Variants in MKNK1 observed in about 807,000 individuals in gnomAD.
MKNK1 encodes MAP kinase-interacting serine/threonine-protein kinase 1.
Under a neutral mutation model 49.3 loss-of-function variants are expected in MKNK1, and 30 were observed. The observed-to-expected ratio is 0.61, with a 90% CI of 0.46 to 0.83. The LOEUF (loss-of-function observed/expected upper bound fraction) is 0.83. MKNK1 is among the 40% of genes least tolerant of loss of function. The pLI is 0.00. For missense variants in MKNK1, 423 were observed against 524.7 expected, an observed-to-expected ratio of 0.81 and a Z score of 1.89; for synonymous variants, 176 against 201.7, an observed-to-expected ratio of 0.87 and a Z score of 1.08.
chr1:46,591,291 G>C (rs545242485), intron 2 of MKNK1, among the ~76,000 whole-genome samples: 8 of 152,310 alleles, frequency 5.3e-5, no homozygotes, highest in South Asian at 2.1e-4. Context: ...GCAGCATGCA[G>C]GTGGCAGCAT....
chr1:46,558,877 C>T, intron 12 of MKNK1, 77 bp from the exon 13 acceptor site: 1 of 1,281,594 alleles, frequency 7.8e-7, no homozygotes, highest in Non-Finnish European at 1.1e-6. Context: ...GACACTCCCA[C>T]TTGCTGCTGT....
intron 4 of MKNK1, among the ~76,000 whole-genome samples, chr1:46,579,045 G>A (rs147670469): frequency 1.3e-5 from 2 of 152,282 alleles, no homozygotes; most frequent in East Asian, 1.9e-4. Flanking sequence ...TGAGCCACAT[G>A]CCTGGCCTAA....
rs1251434824 is a variant in MKNK1 at position 46,558,487 on chromosome 1, C to T, written c.*88G>A. 6.1e-6 allele frequency: 8 copies of T among 1,319,230 alleles called. No individual in the cohort carries two copies. The East Asian group carries it at 2.0e-4, about 32-fold the overall frequency. The allele number at this position is 1,319,230 out of a possible 1,614,324, so 81.7% of individuals were successfully genotyped here. ...GAATGGAGCCACAGAGCAGAGGCTG[C>T]TGCCTGCTCAGCAGACTTTAGCCAC... On this transcript the variant is annotated 3_prime_UTR_variant, in exon 13 of 13. Transcript: ENST00000371945.
At chr1:46,580,715 T>C in intron 3 of MKNK1, 88 bp from the exon 4 acceptor site, 2 of 879,274 alleles carry the variant, frequency 2.3e-6, no homozygotes, top group Non-Finnish European at 3.8e-6. Context: ...TCAGCTTCCC[T>C]GATCAGACGA....
intron 11 of MKNK1, among the ~76,000 whole-genome samples, chr1:46,560,778 G>A (rs1049408824): frequency 6.6e-6 from 1 of 152,168 alleles, no homozygotes; most frequent in African/African-American, 2.4e-5. Context: ...TTATGGGTCT[G>A]GGAATGAGCC....
intron 4 of MKNK1, among the ~76,000 whole-genome samples, chr1:46,580,270 C>T (rs1443078040): frequency 1.3e-5 from 2 of 152,288 alleles, no homozygotes; most frequent in East Asian, 3.9e-4. Flanking sequence ...AAGCACTTTA[C>T]CTATATTAAC....
intron 5 of MKNK1, 185 bp downstream of exon 5, chr1:46,576,390 C>A: frequency 1.7e-6 from 1 of 574,680 alleles, no homozygotes; most frequent in Non-Finnish European, 3.1e-6. Context: ...GAGATAATAG[C>A]TCCTTTGCTG....
chr1:46,563,980 G>GGATGGCATGAA (rs1333726710), intron 9 of MKNK1, among the ~76,000 whole-genome samples: 2 of 75,602 alleles, frequency 2.6e-5, no homozygotes, highest in Non-Finnish European at 2.6e-5. Flanking sequence ...AGGAGGCAGA[G>GGATGGCATGAA]CTTGCAGTGA....
chr1:46,584,691 C>T (rs1448694674), intron 2 of MKNK1: 1 of 152,150 alleles, frequency 6.6e-6, no homozygotes, highest in Admixed American at 6.5e-5. Context: ...TGACAGCCAT[C>T]CGGAGAGAGC....
At chr1:46,601,134 C>T (rs1175689902) in intron 1 of MKNK1, among the ~76,000 whole-genome samples, 1 of 152,180 alleles carries the variant, frequency 6.6e-6, no homozygotes, top group Non-Finnish European at 1.5e-5. Flanking sequence ...TCAGGCTGGT[C>T]TCGAACTTCT....
intron 1 of MKNK1, among the ~76,000 whole-genome samples, chr1:46,600,182 C>T (rs891121426): frequency 5.9e-5 from 9 of 152,228 alleles, no homozygotes; most frequent in African/African-American, 9.6e-5. Context: ...TTCCTTACTA[C>T]ATTTACCATA....
chr1:46,597,955 G>A (rs984369595), intron 1 of MKNK1, among the ~76,000 whole-genome samples: 2 of 152,200 alleles, frequency 1.3e-5, no homozygotes, highest in Non-Finnish European at 2.9e-5. Flanking sequence ...TTAAGAGTGA[G>A]GTTAAAGAGA....
chr1:46,588,021 T>C (rs1423907121), intron 2 of MKNK1, among the ~76,000 whole-genome samples: 1 of 152,206 alleles, frequency 6.6e-6, no homozygotes, highest in Non-Finnish European at 1.5e-5. Context: ...CTAATTCTTA[T>C]CATAATCTCA....
chr1:46,561,414 G>C, intron 11 of MKNK1, 64 bp downstream of exon 11: 1 of 1,511,874 alleles, frequency 6.6e-7, no homozygotes, highest in South Asian at 1.3e-5. Context: ...TGGCATGACA[G>C]CTTCCTTGTG....
chr1:46,577,127 G>A (rs770767822), intron 4 of MKNK1, among the ~76,000 whole-genome samples: 5 of 152,202 alleles, frequency 3.3e-5, no homozygotes, highest in Non-Finnish European at 7.3e-5. Context: ...CGATCCCCCT[G>A]GCAGAAGTAG....
At chr1:46,586,000 T>C (rs1176660528) in intron 2 of MKNK1, 3 of 1,137,550 alleles carry the variant, frequency 2.6e-6, no homozygotes. Flanking sequence ...TGTAGGAAGA[T>C]GGGTGAAGTG....
chr1:46,579,993 C>T (rs1392937024), intron 4 of MKNK1, among the ~76,000 whole-genome samples: 4 of 152,102 alleles, frequency 2.6e-5, no homozygotes, highest in Non-Finnish European at 5.9e-5. Context: ...CATTTTGTGA[C>T]GTGTAAAGTG....
At chr1:46,577,430 G>A (rs1432289826) in intron 4 of MKNK1, among the ~76,000 whole-genome samples, 1 of 152,116 alleles carries the variant, frequency 6.6e-6, no homozygotes, top group Non-Finnish European at 1.5e-5. Flanking sequence ...GCAGTGAGCC[G>A]AGATTGTGCC....
chr1:46,573,544 T>C (rs575398146), intron 6 of MKNK1, among the ~76,000 whole-genome samples: 1 of 152,066 alleles, frequency 6.6e-6, no homozygotes, highest in African/African-American at 2.4e-5. Context: ...TTAGGGGGGA[T>C]GGGGAGGGCA....
Sources: gnomAD v4.1 joint callset for allele counts (sites outside exome capture counted in the v4.1 genomes callset) on GRCh38, gnomAD v4.1.1 for gene constraint, MANE v1.5 for transcripts, NCBI Gene and HGNC (gene_info 2026-07-23, HGNC 2026-07-21) for gene names.